The following RNF180 variants were observed in gnomAD, a reference collection of about 807,000 sequenced individuals.
RNF180 encodes E3 ubiquitin-protein ligase RNF180.
In RNF180, 38 loss-of-function variants were observed where a neutral mutation model predicts 59.2. The ratio of observed to expected loss-of-function variants is 0.64; its 90% CI spans 0.50 to 0.84. RNF180 has a LOEUF of 0.84. RNF180 is among the 40% of genes least tolerant of loss of function. RNF180 has a pLI of 0.00. For missense variants in RNF180, 705 were observed against 700.9 expected (o/e 1.01, Z -0.07); for synonymous variants, 262 against 240.3 (o/e 1.09, Z -0.84).
chr5:64,192,071 T>C (rs552739869), intron 1 of RNF180, among the ~76,000 whole-genome samples: 4 of 152,266 alleles, frequency 2.6e-5, no homozygotes, highest in Admixed American at 2.6e-4. Context: ...CACTGTGGTC[T>C]TGACACCCTT....
In RNF180 at chr5:64,209,337, G is replaced by A. The variant is rs555404300; in HGVS notation, c.136-2728G>A. Among the ~76,000 whole-genome samples, 216 of 151,856 alleles carry A rather than the reference G, an allele frequency of 1.4e-3. 1 individual carries two copies. Among genetic ancestry groups the A allele is most frequent in the African/African-American group, 4.9e-3 (205 of 41,486 alleles). Reference sequence around the variant, plus strand: ...ATTTATAGTGGGTAGTGGTTTTTTCGTGTTATGATCAATGCTATGTGATTA... The same window carrying A: ...ATTTATAGTGGGTAGTGGTTTTTTCATGTTATGATCAATGCTATGTGATTA... On this transcript the variant is annotated intron_variant, in intron 2 of 7. Coordinates refer to ENST00000389100, the MANE Select transcript of RNF180 (RefSeq NM_001113561.2).
intron 5 of RNF180, among the ~76,000 whole-genome samples, chr5:64,259,283 C>T (rs1744174179): frequency 6.6e-6 from 1 of 152,106 alleles, no homozygotes; most frequent in African/African-American, 2.4e-5. Flanking sequence ...AGGGGATGCC[C>T]AGGGCATGTT....
In RNF180 at chr5:64,213,542, T is replaced by G. The variant is rs1293224005; in HGVS notation, c.232-16T>G. ...ATAATGAAAGCACTGTCTTTATTCT[T>G]CTTTATTACCTGTAGGCCCAGTGGA... On this transcript the variant is annotated splice_polypyrimidine_tract_variant and intron_variant, in intron 3 of 7. Transcript: ENST00000389100. The G allele has an allele frequency of 6.3e-7, 1 of 1,585,638 alleles. No individual in the cohort carries two copies. Among genetic ancestry groups the G allele is most frequent in the Non-Finnish European group, 8.6e-7 (1 of 1,165,692 alleles).
intron 5 of RNF180, among the ~76,000 whole-genome samples, chr5:64,300,412 G>T (rs1743099068): frequency 6.6e-6 from 1 of 151,748 alleles, no homozygotes; most frequent in Non-Finnish European, 1.5e-5. Context: ...GTAAGTCGAG[G>T]ATCATCTGGA....
At chr5:64,276,812 C>T (rs2112373227) in intron 5 of RNF180, among the ~76,000 whole-genome samples, 1 of 151,774 alleles carries the variant, frequency 6.6e-6, no homozygotes, top group Admixed American at 6.6e-5. Context: ...TATTTTATTC[C>T]ACTCAAATGA....
At chr5:64,301,666 G>A (rs890497757) in intron 5 of RNF180, among the ~76,000 whole-genome samples, 1 of 150,572 alleles carries the variant, frequency 6.6e-6, no homozygotes, top group African/African-American at 2.5e-5. Flanking sequence ...TTTTAAAAAT[G>A]TCTTAGTCAT....
intron 5 of RNF180, among the ~76,000 whole-genome samples, chr5:64,274,395 A>G (rs1403420594): frequency 6.6e-6 from 1 of 151,572 alleles, no homozygotes; most frequent in Non-Finnish European, 1.5e-5. Flanking sequence ...TTCAAAAGTG[A>G]ATTCTTCTGG....
chr5:64,298,109 A>G (rs1389787590), intron 5 of RNF180, among the ~76,000 whole-genome samples: 1 of 152,198 alleles, frequency 6.6e-6, no homozygotes. Flanking sequence ...AATTGAGAAC[A>G]TGTAGTATTT....
intron 2 of RNF180, 122 bp from the exon 3 acceptor site, chr5:64,211,943 G>T: frequency 1.9e-6 from 1 of 536,740 alleles, no homozygotes; most frequent in Non-Finnish European, 3.3e-6. Flanking sequence ...GGAAGGGAAG[G>T]CAGTGTATAT....
intron 6 of RNF180, among the ~76,000 whole-genome samples, chr5:64,328,409 G>A (rs751535612): frequency 2.6e-4 from 40 of 152,178 alleles, no homozygotes; most frequent in Non-Finnish European, 2.9e-5. Flanking sequence ...GCTATAACTG[G>A]GCAGTGGGAA....
intron 7 of RNF180, among the ~76,000 whole-genome samples, chr5:64,353,270 A>G (rs950983315): frequency 6.6e-6 from 1 of 151,776 alleles, no homozygotes; most frequent in African/African-American, 2.4e-5. Context: ...ATTCATGTGG[A>G]AAAAATCCTC....
At chr5:64,235,994 GA>G (rs1271329640) in intron 5 of RNF180, among the ~76,000 whole-genome samples, 1 of 152,186 alleles carries the variant, frequency 6.6e-6, no homozygotes, top group Non-Finnish European at 1.5e-5. Context: ...CTAATACAGA[GA>G]ATTGGTACGA....
chr5:64,343,925 G>A (rs189566050), intron 7 of RNF180, among the ~76,000 whole-genome samples: 108 of 151,402 alleles, frequency 7.1e-4, no homozygotes, highest in African/African-American at 2.5e-3. Context: ...TACCTGAAAT[G>A]TCTTTATTTC....
At chr5:64,292,361 C>T (rs2112428097) in intron 5 of RNF180, among the ~76,000 whole-genome samples, 1 of 152,206 alleles carries the variant, frequency 6.6e-6, no homozygotes, top group African/African-American at 2.4e-5. Flanking sequence ...CTTTTAACAA[C>T]CAGGCCATTA....
chr5:64,337,703 G>A (rs1254248382), intron 7 of RNF180, among the ~76,000 whole-genome samples: 2 of 128,004 alleles, frequency 1.6e-5, no homozygotes, highest in Non-Finnish European at 3.1e-5. Context: ...TCCCCTTTCT[G>A]TGTCCATGTG....
chr5:64,207,918 T>G (rs565842490), intron 2 of RNF180, among the ~76,000 whole-genome samples: 25 of 152,100 alleles, frequency 1.6e-4, no homozygotes, highest in Non-Finnish European at 3.2e-4. Flanking sequence ...TGGCTCACAT[T>G]TAAAGAATTA....
intron 1 of RNF180, among the ~76,000 whole-genome samples, chr5:64,174,825 G>C (rs1750140315): frequency 6.6e-6 from 1 of 151,832 alleles, no homozygotes; most frequent in South Asian, 2.1e-4. Flanking sequence ...GTCTATTTTT[G>C]TTTCTGTTGC....
At chr5:64,266,619 G>A (rs900849882) in intron 5 of RNF180, among the ~76,000 whole-genome samples, 2 of 152,074 alleles carry the variant, frequency 1.3e-5, no homozygotes, top group African/African-American at 4.8e-5. Flanking sequence ...CGAATTGTAG[G>A]AAAAGACATA....
chr5:64,309,399 A>G (rs904259190), intron 5 of RNF180, among the ~76,000 whole-genome samples: 1 of 151,784 alleles, frequency 6.6e-6, no homozygotes, highest in Admixed American at 6.6e-5. Flanking sequence ...CCCATCAACC[A>G]TAGAATTGAT....
Sources: gnomAD v4.1 joint callset for allele counts (sites outside exome capture counted in the v4.1 genomes callset) on GRCh38, gnomAD v4.1.1 for gene constraint, MANE v1.5 for transcripts, NCBI Gene and HGNC (gene_info 2026-07-23, HGNC 2026-07-21) for gene names.